Variants in OLAH observed in about 807,000 individuals in gnomAD.
The protein encoded by OLAH is oleoyl-ACP hydrolase.
In OLAH, 33 loss-of-function variants were observed where a neutral mutation model predicts 27.8. The ratio of observed to expected loss-of-function variants is 1.19; its 90% CI spans 0.90 to 1.59. The LOEUF is 1.59. OLAH is among the 40% of genes most tolerant of loss of function. The pLI, the probability that OLAH is intolerant of heterozygous loss-of-function variation, is 0.00. For synonymous variants in OLAH, 120 were observed against 102.9 expected, an observed-to-expected ratio of 1.17 and a Z score of -1.01; for missense variants, 359 against 310.8, an observed-to-expected ratio of 1.16 and a Z score of -1.17.
At chr10:15,068,494 G>C (rs770858265) in intron 6 of OLAH, among the ~76,000 whole-genome samples, 5 of 152,170 alleles carry the variant, frequency 3.3e-5, no homozygotes, top group Non-Finnish European at 7.3e-5. Context: ...CTGGGTTCAA[G>C]CAATTCTCCT....
At chr10:15,043,872 G>A (rs1843965582), upstream of OLAH, 1 of 152,142 alleles carries the variant, frequency 6.6e-6, no homozygotes, top group Admixed American at 6.6e-5. Context: ...TGTTTTCATT[G>A]TTCTTTCATA....
chr10:15,047,321 G>T lies in OLAH; in HGVS notation c.32+1G>T, dbSNP rs374291351. On this transcript the variant is annotated splice_donor_variant, in intron 2 of 7. Coordinates refer to ENST00000378228, the MANE Select transcript of OLAH (RefSeq NM_001039702.3). LOFTEE classifies it high-confidence loss of function. ...GAGGAGACCAACCTAAGAGAACCAGGCAGGCCACCCCTTGTGCCACCAGGC... is the reference window on the plus strand; with the variant it reads ...GAGGAGACCAACCTAAGAGAACCAGTCAGGCCACCCCTTGTGCCACCAGGC... 5 of 1,613,334 alleles carry T rather than the reference G, an allele frequency of 3.1e-6. No individual in the cohort carries two copies. In the African/African-American group the frequency reaches 5.3e-5, roughly 17 times the overall value.
In OLAH at chr10:15,071,823, T is replaced by C. The variant is rs767935117; in HGVS notation, c.601T>C (p.Ser201Pro). ...TSNVPSKAVL[S>P]CDLTCFVGSE... is the part of the protein sequence containing the mutation. ...TAACGTACCATCTAAGGCTGTTCTT[T>C]CCTGTGACTTGACATGTTTTGTTGG... Residue 201 changes from serine to proline, a missense_variant, in exon 7 of 8, where the codon TCC becomes CCC. Coordinates refer to ENST00000378228, the MANE Select transcript of OLAH (RefSeq NM_001039702.3). 1.2e-6 allele frequency: 2 copies of C among 1,613,822 alleles called. No homozygotes were observed. The highest frequency in any genetic ancestry group is 8.5e-7 in the Non-Finnish European group (1 of 1,179,642).
At chr10:15,060,232 T>C (rs558727263) in intron 3 of OLAH, among the ~76,000 whole-genome samples, 1 of 152,234 alleles carries the variant, frequency 6.6e-6, no homozygotes, top group Admixed American at 6.5e-5. Flanking sequence ...TGCAGTGGTA[T>C]GATCTTGACT....
chr10:15,070,750 G>C (rs1480217572), intron 6 of OLAH, among the ~76,000 whole-genome samples: 1 of 150,912 alleles, frequency 6.6e-6, no homozygotes, highest in Non-Finnish European at 1.5e-5. Context: ...CAAAGTGCTG[G>C]GATTACAGGC....
At chr10:15,066,422 C>T (rs1844468143) in intron 6 of OLAH, among the ~76,000 whole-genome samples, 1 of 151,948 alleles carries the variant, frequency 6.6e-6, no homozygotes, top group Middle Eastern at 3.4e-3. Context: ...TGGAGGCAAA[C>T]CAGTGTGGAG....
At chr10:15,035,305 A>G (rs895205234) in intron 1 of OLAH, among the ~76,000 whole-genome samples, 3 of 152,156 alleles carry the variant, frequency 2.0e-5, no homozygotes, top group African/African-American at 7.2e-5. Flanking sequence ...TTGCTTTGCT[A>G]TAAAGAAATA....
intron 6 of OLAH, among the ~76,000 whole-genome samples, chr10:15,068,803 T>TA (rs1844521997): frequency 6.6e-6 from 1 of 152,192 alleles, no homozygotes; most frequent in African/African-American, 2.4e-5. Context: ...GACAGGCCGT[T>TA]AGTGTGGGGA....
intron 4 of OLAH, among the ~76,000 whole-genome samples, chr10:15,064,115 A>G (rs546714082): frequency 2.0e-5 from 3 of 152,368 alleles, no homozygotes; most frequent in Admixed American, 2.0e-4. Context: ...TATACTGTTA[A>G]AGACACAGTG....
chr10:15,060,051 C>T (rs1028035335), intron 3 of OLAH, among the ~76,000 whole-genome samples: 3 of 151,090 alleles, frequency 2.0e-5, no homozygotes, highest in Non-Finnish European at 4.4e-5. Context: ...TTTCTGTTTC[C>T]CTCTTCTCTT....
intron 1 of OLAH, among the ~76,000 whole-genome samples, chr10:15,035,565 C>T (rs1843829191): frequency 6.6e-6 from 1 of 152,100 alleles, no homozygotes; most frequent in South Asian, 2.1e-4. Context: ...GAGACAGCAC[C>T]AAGCCACGTG....
At chr10:15,058,334 C>T (rs1294556324) in intron 3 of OLAH, among the ~76,000 whole-genome samples, 1 of 152,014 alleles carries the variant, frequency 6.6e-6, no homozygotes, top group Non-Finnish European at 1.5e-5. Flanking sequence ...CCAAAGCAAT[C>T]CTCCCACCTT....
rs557106837 is a variant in OLAH at position 15,073,442 on chromosome 10, C to T, written c.*213C>T. 2.5e-5 allele frequency: 11 copies of T among 435,234 alleles called. No homozygotes were observed. The highest frequency in any genetic ancestry group is 1.8e-4 in the South Asian group (7 of 38,466). The allele number at this position is 435,234 out of a possible 1,614,324, so 27.0% of individuals were successfully genotyped here. On this transcript the variant is annotated 3_prime_UTR_variant, in exon 8 of 8. Transcript: ENST00000378228. ...TTGGGAGGCCAAGGCGGGCGGATCA[C>T]GAGGTCAGGAGATCGAGACCGTCCT...
chr10:15,065,839 T>C, intron 6 of OLAH, 86 bp downstream of exon 6: 1 of 1,249,798 alleles, frequency 8.0e-7, no homozygotes, highest in Non-Finnish European at 1.1e-6. Context: ...AGGTTGCTTA[T>C]GTGGGAAGAC....
intron 3 of OLAH, among the ~76,000 whole-genome samples, chr10:15,055,195 C>T (rs1382018617): frequency 6.6e-6 from 1 of 152,122 alleles, no homozygotes; most frequent in East Asian, 1.9e-4. Context: ...TTGATTTATA[C>T]TTTCTATATT....
upstream of OLAH, among the ~76,000 whole-genome samples, chr10:15,042,034 C>T (rs1843928093): frequency 2.6e-5 from 4 of 152,158 alleles, no homozygotes; most frequent in South Asian, 6.2e-4. Context: ...CTCTATCCTA[C>T]ACTCTTCACC....
At position 15,073,438 on chromosome 10, in the gene OLAH, A is replaced by G. The variant is rs1190487575; in HGVS notation, c.*209A>G. ...CACTTTGGGAGGCCAAGGCGGGCGG[A>G]TCACGAGGTCAGGAGATCGAGACCG... On this transcript the variant is annotated 3_prime_UTR_variant, in exon 8 of 8. Coordinates refer to ENST00000378228, the MANE Select transcript of OLAH (RefSeq NM_001039702.3). 3 of 445,424 alleles carry G rather than the reference A, an allele frequency of 6.7e-6. No homozygotes were observed. The highest frequency in any genetic ancestry group is 1.2e-5 in the Non-Finnish European group (3 of 250,350). 27.6% of individuals were successfully genotyped at this position (445,424 alleles called of 1,614,324 possible).
chr10:15,071,351 T>C (rs1392822564), intron 6 of OLAH, among the ~76,000 whole-genome samples: 1 of 152,198 alleles, frequency 6.6e-6, no homozygotes, highest in Non-Finnish European at 1.5e-5. Context: ...GGGACTGTGT[T>C]TGTTTCTCCA....
chr10:15,032,620 CA>C (rs71390005), intron 1 of OLAH, among the ~76,000 whole-genome samples: 28,710 of 95,686 alleles, frequency 0.3, 2,735 homozygotes, highest in East Asian at 0.51. Flanking sequence ...GACTCAGTTT[CA>C]AAAAAAAAAA....
Sources: allele counts gnomAD v4.1 joint callset (sites outside exome capture counted in the v4.1 genomes callset), GRCh38; gene constraint gnomAD v4.1.1; transcripts MANE v1.5; gene names NCBI Gene and HGNC (gene_info 2026-07-23, HGNC 2026-07-21).